The following KAZN variants were observed in gnomAD, a reference collection of about 807,000 sequenced individuals.
KAZN encodes the protein kazrin.
Under a neutral mutation model 87.4 loss-of-function variants are expected in KAZN, and 40 were observed. The ratio of observed to expected loss-of-function variants is 0.46; its 90% CI spans 0.36 to 0.60. The LOEUF is 0.60. Ranked by LOEUF, KAZN falls within the 20% of genes least tolerant of loss-of-function variation. KAZN has a pLI of 0.00. For missense variants in KAZN, 898 were observed against 1,073.9 expected, an observed-to-expected ratio of 0.84 and a Z score of 2.29; for synonymous variants, 466 against 458.3, an observed-to-expected ratio of 1.02 and a Z score of -0.22.
intron 1 of KAZN, among the ~76,000 whole-genome samples, chr1:13,987,090 G>C (rs1295099603): frequency 6.6e-6 from 1 of 152,202 alleles, no homozygotes; most frequent in Non-Finnish European, 1.5e-5. Context: ...TCTGACAGAA[G>C]GGTTCCTGGG....
intron 2 of KAZN, among the ~76,000 whole-genome samples, chr1:14,396,810 T>C (rs1238217041): frequency 6.6e-6 from 1 of 152,200 alleles, no homozygotes; most frequent in African/African-American, 2.4e-5. Context: ...TGTTTTTAGC[T>C]GTGAGATTGA....
chr1:14,760,513 C>T (rs1370349922), intron 1 of KAZN, among the ~76,000 whole-genome samples: 1 of 152,208 alleles, frequency 6.6e-6, no homozygotes, highest in African/African-American at 2.4e-5. Context: ...GGTGAGAGGA[C>T]TCAGGGCAAT....
chr1:13,992,756 G>T (rs1243433753), intron 1 of KAZN, among the ~76,000 whole-genome samples: 1 of 152,058 alleles, frequency 6.6e-6, no homozygotes, highest in Non-Finnish European at 1.5e-5. Context: ...CTCATTGGGG[G>T]TGGACAATGT....
chr1:14,543,964 CT>C (rs1358826008), intron 2 of KAZN, among the ~76,000 whole-genome samples: 1 of 152,176 alleles, frequency 6.6e-6, no homozygotes, highest in African/African-American at 2.4e-5. Context: ...TGAATGGATT[CT>C]CTAAGATTGT....
chr1:14,547,459 G>A (rs1374944146), intron 2 of KAZN, among the ~76,000 whole-genome samples: 1 of 152,120 alleles, frequency 6.6e-6, no homozygotes, highest in Non-Finnish European at 1.5e-5. Flanking sequence ...TTCAATGGAG[G>A]GGTTGGAACA....
At chr1:14,457,472 T>C (rs2148342788) in intron 2 of KAZN, among the ~76,000 whole-genome samples, 1 of 152,364 alleles carries the variant, frequency 6.6e-6, no homozygotes, top group Non-Finnish European at 1.5e-5. Context: ...CTTTCTGTCA[T>C]CTGCTAACTT....
chr1:14,029,410 C>T (rs1641224302), intron 1 of KAZN, among the ~76,000 whole-genome samples: 1 of 83,476 alleles, frequency 1.2e-5, no homozygotes, highest in South Asian at 4.8e-4. Context: ...AAAATTTTCT[C>T]CCATTTTGTA....
At chr1:14,658,558 A>G (rs1294838195) in intron 1 of KAZN, among the ~76,000 whole-genome samples, 2 of 152,172 alleles carry the variant, frequency 1.3e-5, no homozygotes. Flanking sequence ...ACCTTTCTAC[A>G]TCAAAGTCTT....
At chr1:14,322,276 A>AAATAAAGT (rs1656099872) in intron 2 of KAZN, among the ~76,000 whole-genome samples, 1 of 151,280 alleles carries the variant, frequency 6.6e-6, no homozygotes, top group African/African-American at 2.5e-5. Flanking sequence ...ATAAATAAAT[A>AAATAAAGT]AAGTAAGTAA....
rs575853265 is a variant in KAZN at position 14,291,634 on chromosome 1, C to A, written c.249+111042C>A. On this transcript the variant is annotated intron_variant, in intron 2 of 16. Coordinates refer to the KAZN transcript ENST00000636203. ...GAAAGGGAAATCCCTTGACCCCTTG[C>A]ACTTCCTGGGTAAGGTGATGCCCTG... Among the ~76,000 whole-genome samples the A allele has an allele frequency of 2.0e-5, 3 of 152,302 alleles. No individual in the cohort carries two copies. In the South Asian group the frequency reaches 6.2e-4, roughly 32 times the overall value.
chr1:14,652,836 A>T (rs1638536655), intron 1 of KAZN, among the ~76,000 whole-genome samples: 1 of 151,714 alleles, frequency 6.6e-6, no homozygotes. Flanking sequence ...AGTTGGGGAG[A>T]TTTTGCTACC....
rs1557754604 is a variant in KAZN at position 15,048,711 on chromosome 1, T to TCCTGGGTCGTC, written c.726+4552_726+4553insCCTGGGTCGTC. 1.2e-3 allele frequency among the ~76,000 whole-genome samples: 172 copies of TCCTGGGTCGTC among 141,374 alleles called. 1 individual carries two copies. The highest frequency in any genetic ancestry group is 4.5e-3 in the African/African-American group (155 of 34,606). 92.7% of individuals were successfully genotyped at this position (141,374 alleles called of 152,430 possible). A position where few individuals can be genotyped will look rare whatever the true frequency, so the allele number is the denominator to read the frequency against. ...TCCTGGGTCGTTGATCCTTGGTCGTTGGTCCTGGGTCGTTGGTCATGGGTC... is the reference window on the plus strand; with the variant it reads ...TCCTGGGTCGTTGATCCTTGGTCGTTCCTGGGTCGTCGGTCCTGGGTCGTTGGTCATGGGTC... On this transcript the variant is annotated intron_variant, in intron 4 of 14. Transcript: ENST00000376030.
chr1:13,900,250 C>T (rs573375437), intron 1 of KAZN, among the ~76,000 whole-genome samples: 12 of 152,192 alleles, frequency 7.9e-5, no homozygotes, highest in Admixed American at 2.6e-4. Flanking sequence ...AACTCCAGGC[C>T]TTAAAGGGAA....
chr1:14,869,191 T>A (rs186714234), intron 1 of KAZN, among the ~76,000 whole-genome samples: 11 of 152,312 alleles, frequency 7.2e-5, no homozygotes, highest in Non-Finnish European at 1.3e-4. Context: ...TTCCTGCCTG[T>A]CTTGACCCTT....
At chr1:14,558,561 T>C (rs1051584418) in intron 2 of KAZN, among the ~76,000 whole-genome samples, 2 of 152,192 alleles carry the variant, frequency 1.3e-5, no homozygotes, top group African/African-American at 4.8e-5. Context: ...TTTTTGAACA[T>C]AGAGTCATGT....
intron 1 of KAZN, among the ~76,000 whole-genome samples, chr1:14,830,845 C>T (rs2100875463): frequency 6.6e-6 from 1 of 152,284 alleles, no homozygotes; most frequent in African/African-American, 2.4e-5. Flanking sequence ...TGGGTGGGGA[C>T]ATAGCCAAAC....
At chr1:14,934,397 G>A (rs1046193009) in intron 1 of KAZN, among the ~76,000 whole-genome samples, 2 of 151,592 alleles carry the variant, frequency 1.3e-5, no homozygotes, top group African/African-American at 4.8e-5. Context: ...AGTAGAGACG[G>A]GGTTTCACCA....
intron 1 of KAZN, among the ~76,000 whole-genome samples, chr1:14,863,210 G>A (rs1651068280): frequency 6.6e-6 from 1 of 152,208 alleles, no homozygotes; most frequent in Non-Finnish European, 1.5e-5. Context: ...TGCCATCAAT[G>A]TGGGATCTAT....
chr1:14,887,049 T>G lies in KAZN; in HGVS notation c.227-73635T>G, dbSNP rs139070392. On this transcript the variant is annotated intron_variant, in intron 1 of 14. Coordinates refer to ENST00000376030, the MANE Select transcript of KAZN (RefSeq NM_201628.3). ...CCCCCACGAGTGTGGTTGTGAGGAT[T>G]AAATGGGATTATTTACTTATTCATT... Among the ~76,000 whole-genome samples the G allele has an allele frequency of 2.2e-3, 341 of 152,294 alleles. 3 individuals are homozygous for G. The highest frequency in any genetic ancestry group is 7.9e-3 in the African/African-American group (328 of 41,552).
Sources: gnomAD v4.1 joint callset for allele counts (sites outside exome capture counted in the v4.1 genomes callset) on GRCh38, gnomAD v4.1.1 for gene constraint, MANE v1.5 for transcripts, NCBI Gene and HGNC (gene_info 2026-07-23, HGNC 2026-07-21) for gene names.